The following RASAL1 variants were observed in gnomAD, a reference collection of about 807,000 sequenced individuals.
RASAL1 encodes rasGAP-activating-like protein 1.
RASAL1 carries 72 observed loss-of-function variants against 96.6 expected under a neutral mutation model. The ratio of observed to expected loss-of-function variants is 0.75; its 90% CI spans 0.62 to 0.91. RASAL1 has a LOEUF of 0.91. RASAL1 is among the 40% of genes least tolerant of loss of function. The pLI is 0.00. For synonymous variants in RASAL1, 405 were observed against 430.4 expected (o/e 0.94, Z 0.73); for missense variants, 1,016 against 1,072.5 (o/e 0.95, Z 0.74).
chr12:113,113,832 C>T (rs1950961495), intron 12 of RASAL1, among the ~76,000 whole-genome samples: 1 of 152,188 alleles, frequency 6.6e-6, no homozygotes, highest in Admixed American at 6.5e-5. Flanking sequence ...GAATGACCCC[C>T]AGCCACTGCT....
At chr12:113,112,519 C>G (rs565712099) in intron 12 of RASAL1, among the ~76,000 whole-genome samples, 5 of 152,290 alleles carry the variant, frequency 3.3e-5, no homozygotes, top group Admixed American at 2.6e-4. Context: ...TGTTAAATCT[C>G]CGCAACACTC....
In RASAL1 at chr12:113,115,004, G is replaced by T. The variant is rs752014530; in HGVS notation, c.1069-92C>A. 3.5e-5 allele frequency: 42 copies of T among 1,184,502 alleles called. No individual in the cohort carries two copies. The highest frequency in any genetic ancestry group is 4.8e-5 in the Non-Finnish European group (38 of 797,082). 73.4% of individuals were successfully genotyped at this position (1,184,502 alleles called of 1,614,324 possible). ...CGCAGGGGGGACCATGCAGGAAGAGGTTCAGAGAGAGGCCAGGGCTGGGGT... is the reference window on the plus strand; with the variant it reads ...CGCAGGGGGGACCATGCAGGAAGAGTTTCAGAGAGAGGCCAGGGCTGGGGT... On this transcript the variant is annotated intron_variant, in intron 11 of 20. Coordinates refer to ENST00000548055, the MANE Select transcript of RASAL1 (RefSeq NM_001301202.2). This position sits in a 1 kb window ranked among gnomAD's most constrained non-coding sequence, Gnocchi z 4.1.
intron 4 of RASAL1, among the ~76,000 whole-genome samples, chr12:113,123,959 C>G (rs936234559): frequency 1.3e-5 from 2 of 152,112 alleles, no homozygotes; most frequent in Non-Finnish European, 2.9e-5. Flanking sequence ...GTGGTTCACA[C>G]CTGTAATCCC....
chr12:113,107,493 C>T (rs1264642012), intron 14 of RASAL1: 2 of 589,652 alleles, frequency 3.4e-6, no homozygotes, highest in Admixed American at 2.2e-5. Context: ...CGTGGTGGCT[C>T]ACGCCTGTAA....
chr12:113,115,812 A>G lies in RASAL1; in HGVS notation c.850-24T>C. On this transcript the variant is annotated intron_variant, in intron 9 of 20. Transcript: ENST00000548055. The surrounding 1 kb of genome is among the most constrained non-coding windows in gnomAD (Gnocchi z 4.1). ...TCCTGGGTGGGGGCGGGAGACAAAG[A>G]TGACCTCGGCCCCTGGGACCCCAAA... 6.2e-7 allele frequency: 1 copy of G among 1,613,224 alleles called. No individual in the cohort carries two copies. The highest frequency in any genetic ancestry group is 8.5e-7 in the Non-Finnish European group (1 of 1,179,530).
Position 113,115,219 on chromosome 12 carries a change from G to A in RASAL1, c.1049C>T (p.Ser350Leu). The A allele has an allele frequency of 3.1e-6, 5 of 1,613,828 alleles. No homozygotes were observed. In the South Asian group the frequency reaches 3.3e-5, roughly 11 times the overall value. The change falls in exon 11 of 21, where the codon TCG becomes TTG. Residue 350 changes from serine (S) to leucine (L), a missense_variant. Physicochemically the swap from Ser to Leu is moderately radical, Grantham distance 145 (BLOSUM62 -2). Transcript: ENST00000548055. This position sits in a 1 kb window ranked among gnomAD's most constrained non-coding sequence, Gnocchi z 4.1. Reference protein sequence around the residue: ...LFRSNSLASKSMEQFMKLVGM... With the variant: ...LFRSNSLASKLMEQFMKLVGM... ...ACTCACCTTCATAAACTGTTCCATC[G>A]ACTTGGATGCCAGGGAGTTAGAACG... is the stretch of plus-strand genomic sequence containing the variant.
chr12:113,100,786 C>T, intron 19 of RASAL1, 106 bp from the exon 20 acceptor site: 1 of 847,934 alleles, frequency 1.2e-6, no homozygotes, highest in Non-Finnish European at 1.9e-6. Context: ...ATCACCATCA[C>T]CATCTACCAT....
intron 5 of RASAL1, 130 bp from the exon 6 acceptor site, chr12:113,119,573 C>G: frequency 2.3e-6 from 2 of 865,922 alleles, no homozygotes; most frequent in South Asian, 3.1e-5. Flanking sequence ...AGGGGTCCAG[C>G]TAGGGACACC....
At chr12:113,114,745 C>T in intron 12 of RASAL1, 55 bp downstream of exon 12, 2 of 1,482,284 alleles carry the variant, frequency 1.3e-6, no homozygotes, top group South Asian at 2.3e-5. Flanking sequence ...CCAGACAAGG[C>T]TCCGGGTAGC....
intron 13 of RASAL1, among the ~76,000 whole-genome samples, chr12:113,109,526 G>C (rs1292760507): frequency 6.6e-6 from 1 of 152,134 alleles, no homozygotes; most frequent in East Asian, 1.9e-4. Flanking sequence ...GGTGACTCAG[G>C]GAAGGGTGCC....
rs778768025 is a variant in RASAL1, at chr12:113,105,752, C to T, written c.1792G>A (p.Gly598Arg). 2.3e-5 allele frequency: 37 copies of T among 1,613,158 alleles called. No individual in the cohort carries two copies. Among genetic ancestry groups the T allele is most frequent in the South Asian group, 3.3e-5 (3 of 90,988 alleles). ...AFKKRYVWLS[G>R]ETLSFSKSPE... ...CTCTTGGAGAAGGAGAGGGTCTCCC[C>T]GCTGAGCCAGACGTAGCGCTTCTTG... Residue 598 changes from glycine (G) to arginine (R), a missense_variant, in exon 16 of 21, where the codon GGG becomes AGG. Coordinates refer to ENST00000548055, the MANE Select transcript of RASAL1 (RefSeq NM_001301202.2).
At chr12:113,128,281 C>CACAT in intron 2 of RASAL1, 103 bp from the exon 3 acceptor site, 1 of 645,466 alleles carries the variant, frequency 1.5e-6, no homozygotes, top group Non-Finnish European at 2.7e-6. Flanking sequence ...CACACACACA[C>CACAT]GGGAATCCAG....
In RASAL1 at chr12:113,105,927, C is replaced by T. The variant is rs777425909; in HGVS notation, c.1658-41G>A. The T allele has an allele frequency of 7.0e-5, 109 of 1,568,066 alleles. No individual in the cohort carries two copies. In the Middle Eastern group the frequency reaches 2.1e-3, roughly 30 times the overall value. ...AGAGAGCGGTGGACAGTGAGCCCTC[C>T]CTAACCAGGCTCACCTTGCTCCACT... On this transcript the variant is annotated intron_variant, in intron 15 of 20. Transcript: ENST00000548055.
chr12:113,123,691 C>A (rs1266196714), intron 4 of RASAL1, among the ~76,000 whole-genome samples: 1 of 152,178 alleles, frequency 6.6e-6, no homozygotes, highest in Non-Finnish European at 1.5e-5. Context: ...TCAAGCAATT[C>A]TCATGTCTCA....
chr12:113,103,856 A>G, intron 18 of RASAL1, 90 bp downstream of exon 18: 16 of 1,522,540 alleles, frequency 1.1e-5, no homozygotes, highest in Non-Finnish European at 1.4e-5. Flanking sequence ...TAACTTGCCC[A>G]AGGTTGCACA....
Position 113,107,093 on chromosome 12 carries a change from T to A in RASAL1, c.1657+4A>T. On this transcript the variant is annotated splice_donor_region_variant and intron_variant, in intron 15 of 20. Transcript: ENST00000548055. ...CCAGATGTGGCCGGACCACAGGAACTCACCTTCATCCCCATCCACATCCAC... is the reference window on the plus strand; with the variant it reads ...CCAGATGTGGCCGGACCACAGGAACACACCTTCATCCCCATCCACATCCAC... 6.2e-7 allele frequency: 1 copy of A among 1,608,962 alleles called. No individual in the cohort carries two copies. The highest frequency in any genetic ancestry group is 1.1e-5 in the South Asian group (1 of 90,076).
At chr12:113,101,766 G>A in intron 19 of RASAL1, 123 bp downstream of exon 19, 1 of 1,330,082 alleles carries the variant, frequency 7.5e-7, no homozygotes, top group Non-Finnish European at 9.9e-7. Flanking sequence ...CCCTGGGCCA[G>A]GCCCCCGGGG....
chr12:113,129,103 C>T lies in RASAL1; in HGVS notation c.123-925G>A, dbSNP rs1174748426. ...CTCCAGGGATCAGAGGAACAGGTGT[C>T]AGGGCTGCTTACCCCACAGACCCCC... On this transcript the variant is annotated intron_variant, in intron 2 of 20. Coordinates refer to ENST00000548055, the MANE Select transcript of RASAL1 (RefSeq NM_001301202.2). This position sits in a 1 kb window ranked among gnomAD's most constrained non-coding sequence, Gnocchi z 5.0. Among the ~76,000 whole-genome samples the T allele has an allele frequency of 6.6e-6, 1 of 152,172 alleles. No homozygotes were observed. The highest frequency in any genetic ancestry group is 1.5e-5 in the Non-Finnish European group (1 of 68,032).
intron 13 of RASAL1, among the ~76,000 whole-genome samples, chr12:113,110,717 C>T (rs752901639): frequency 6.6e-6 from 1 of 152,010 alleles, no homozygotes; most frequent in Non-Finnish European, 1.5e-5. Context: ...GCTAGGAGTT[C>T]GAGACCCTCT....
Sources: gnomAD v4.1 joint callset for allele counts (sites outside exome capture counted in the v4.1 genomes callset) on GRCh38, gnomAD v4.1.1 for gene constraint, Gnocchi (gnomAD v3.1) non-coding constraint, MANE v1.5 for transcripts, NCBI Gene and HGNC (gene_info 2026-07-23, HGNC 2026-07-21) for gene names.